The following ZNF804A variants were observed in gnomAD, a reference collection of about 807,000 sequenced individuals.
The protein encoded by ZNF804A is zinc finger protein 804A.
A neutral mutation model predicts 16.5 loss-of-function variants in ZNF804A; 2 were observed. The observed-to-expected ratio is 0.12, with a 90% CI of 0.05 to 0.38. The LOEUF (loss-of-function observed/expected upper bound fraction) is 0.38. Ranked by LOEUF, ZNF804A falls within the 10% of genes least tolerant of loss-of-function variation. The pLI, the probability that ZNF804A is intolerant of heterozygous loss-of-function variation, is 0.99. For missense variants in ZNF804A, 1,473 were observed against 1,390.7 expected, an observed-to-expected ratio of 1.06 and a Z score of -0.94; for synonymous variants, 534 against 489.6, an observed-to-expected ratio of 1.09 and a Z score of -1.20.
Position 184,719,942 on chromosome 2 carries a change from G to T in ZNF804A, c.111+120872G>T, listed in dbSNP as rs150265166. ...GTGCCCCACTCTTCTGAATATCAAT[G>T]TAAAGTATTATTTTGTTTTTACACT... On this transcript the variant is annotated intron_variant, in intron 1 of 3. Transcript: ENST00000302277. Among the ~76,000 whole-genome samples, 328 of 152,230 alleles carry T rather than the reference G, an allele frequency of 2.2e-3. 1 individual carries two copies. The highest frequency in any genetic ancestry group is 6.8e-3 in the Middle Eastern group (2 of 294).
chr2:184,779,196 T>C (rs1462353508), intron 1 of ZNF804A, among the ~76,000 whole-genome samples: 1 of 151,612 alleles, frequency 6.6e-6, no homozygotes, highest in Non-Finnish European at 1.5e-5. Context: ...TACAGGCAGG[T>C]TTTCCAGGTG....
Position 184,937,021 on chromosome 2 carries a change from A to G in ZNF804A, c.1625A>G (p.Glu542Gly). The change falls in exon 4 of 4, where the codon GAG becomes GGG. Residue 542 changes from glutamate to glycine, a missense_variant. By Grantham distance (98) the Glu-to-Gly change is moderately conservative (BLOSUM62 -2). Transcript: ENST00000302277. ...AGTAGTTGTGATTCTGGAAAAAATG[A>G]GAACACAGGTCAGAGGTATAAAAAC... ...LSSSCDSGKN[E>G]NTGQRYKNIS... 1 of 1,613,308 alleles carries G rather than the reference A, an allele frequency of 6.2e-7. No individual in the cohort carries two copies. The highest frequency in any genetic ancestry group is 8.5e-7 in the Non-Finnish European group (1 of 1,179,708).
chr2:184,886,274 C>T (rs1355253190), intron 2 of ZNF804A, among the ~76,000 whole-genome samples: 6 of 152,164 alleles, frequency 3.9e-5, no homozygotes, highest in Admixed American at 3.3e-4. Context: ...ATCCAGGTCA[C>T]GCTGATGCAA....
At chr2:184,777,460 A>T (rs1259105259) in intron 1 of ZNF804A, among the ~76,000 whole-genome samples, 2 of 151,538 alleles carry the variant, frequency 1.3e-5, no homozygotes, top group African/African-American at 4.8e-5. Flanking sequence ...GATACGAGGA[A>T]GTATCTGAAC....
chr2:184,789,017 G>A (rs1694491325), intron 1 of ZNF804A, among the ~76,000 whole-genome samples: 1 of 151,806 alleles, frequency 6.6e-6, no homozygotes, highest in South Asian at 2.1e-4. Context: ...TTCTATTTAT[G>A]TCCTAGTTTG....
At chr2:184,663,573 C>G (rs2105707823) in intron 1 of ZNF804A, among the ~76,000 whole-genome samples, 1 of 152,176 alleles carries the variant, frequency 6.6e-6, no homozygotes, top group East Asian at 1.9e-4. Context: ...GAGGTGGGTT[C>G]CTGGTGAAGC....
At chr2:184,645,453 C>A (rs1260082260) in intron 1 of ZNF804A, among the ~76,000 whole-genome samples, 1 of 152,032 alleles carries the variant, frequency 6.6e-6, no homozygotes. Flanking sequence ...AAGTGACTTT[C>A]TGTTTTTCAT....
At chr2:184,867,898 T>G (rs1195717586) in intron 2 of ZNF804A, among the ~76,000 whole-genome samples, 3 of 152,100 alleles carry the variant, frequency 2.0e-5, no homozygotes, top group Non-Finnish European at 4.4e-5. Context: ...TGTCTCATTG[T>G]GTAAAGTAGG....
intron 1 of ZNF804A, among the ~76,000 whole-genome samples, chr2:184,862,387 T>A (rs1432484478): frequency 1.3e-5 from 2 of 152,210 alleles, no homozygotes; most frequent in African/African-American, 4.8e-5. Flanking sequence ...AATATTGAAG[T>A]CTTTTTTACT....
chr2:184,790,854 C>T (rs527432149), intron 1 of ZNF804A, among the ~76,000 whole-genome samples: 29 of 152,240 alleles, frequency 1.9e-4, no homozygotes, highest in African/African-American at 6.5e-4. Flanking sequence ...CCACCCACCT[C>T]GGCCTCCCAA....
intron 1 of ZNF804A, among the ~76,000 whole-genome samples, chr2:184,660,928 A>G (rs1261387366): frequency 6.6e-6 from 1 of 152,268 alleles, no homozygotes; most frequent in Non-Finnish European, 1.5e-5. Context: ...TCTCATTAAT[A>G]TTGAGTATGT....
At chr2:184,696,475 C>G (rs1194971637) in intron 1 of ZNF804A, among the ~76,000 whole-genome samples, 1 of 152,048 alleles carries the variant, frequency 6.6e-6, no homozygotes, top group Non-Finnish European at 1.5e-5. Flanking sequence ...GCTTATATGG[C>G]TTTTTGGGGT....
chr2:184,679,739 A>G lies in ZNF804A; in HGVS notation c.111+80669A>G, dbSNP rs145300475. Reference sequence around the variant, plus strand: ...AGCATCCTCCAGAATTTGGGCCCCGATGAGCATGGGAAGAAGGTAGAGAAG... The same window carrying G: ...AGCATCCTCCAGAATTTGGGCCCCGGTGAGCATGGGAAGAAGGTAGAGAAG... On this transcript the variant is annotated intron_variant, in intron 1 of 3. Transcript: ENST00000302277. 2.5e-4 allele frequency among the ~76,000 whole-genome samples: 38 copies of G among 152,250 alleles called. 1 individual carries two copies. The East Asian group carries it at 7.0e-3, about 28-fold the overall frequency.
intron 1 of ZNF804A, among the ~76,000 whole-genome samples, chr2:184,838,671 C>A (rs1695391193): frequency 6.6e-6 from 1 of 151,798 alleles, no homozygotes; most frequent in South Asian, 2.1e-4. Context: ...ATAGCTTGTG[C>A]TAATGTGAAT....
intron 2 of ZNF804A, among the ~76,000 whole-genome samples, chr2:184,902,779 T>C (rs925557608): frequency 2.6e-5 from 4 of 152,192 alleles, no homozygotes; most frequent in African/African-American, 9.7e-5. Flanking sequence ...GTCACTGTTT[T>C]TGTAATAAGC....
At chr2:184,813,555 G>A (rs1422487134) in intron 1 of ZNF804A, among the ~76,000 whole-genome samples, 1 of 152,030 alleles carries the variant, frequency 6.6e-6, no homozygotes, top group Non-Finnish European at 1.5e-5. Flanking sequence ...AACAGTATCA[G>A]GGGCAGAATA....
chr2:184,759,800 G>T (rs1010270975), intron 1 of ZNF804A, among the ~76,000 whole-genome samples: 4 of 151,818 alleles, frequency 2.6e-5, no homozygotes, highest in African/African-American at 9.7e-5. Flanking sequence ...GGCTCAAAAA[G>T]CTCCCCCACT....
chr2:184,918,255 G>C (rs1685481155), intron 2 of ZNF804A, among the ~76,000 whole-genome samples: 1 of 152,114 alleles, frequency 6.6e-6, no homozygotes, highest in African/African-American at 2.4e-5. Flanking sequence ...AAAGTGGATA[G>C]CTGTAGCTTA....
chr2:184,599,102 T>TCA (rs750179503), intron 1 of ZNF804A, 32 bp downstream of exon 1: 1 of 1,475,470 alleles, frequency 6.8e-7, no homozygotes, highest in South Asian at 1.1e-5. Flanking sequence ...TCTCTCTCTC[T>TCA]CATATTTAAG....
Sources: gnomAD v4.1 joint callset for allele counts (sites outside exome capture counted in the v4.1 genomes callset) on GRCh38, gnomAD v4.1.1 for gene constraint, MANE v1.5 for transcripts, NCBI Gene and HGNC (gene_info 2026-07-23, HGNC 2026-07-21) for gene names.